Variants in RBM26 observed in about 807,000 individuals in gnomAD.
The protein encoded by RBM26 is RNA binding motif protein 26, also known as RNA-binding protein 26.
Under a neutral mutation model 123.6 loss-of-function variants are expected in RBM26, and 30 were observed. The ratio of observed to expected loss-of-function variants is 0.24; its 90% CI spans 0.18 to 0.33. The LOEUF (loss-of-function observed/expected upper bound fraction) is 0.33. RBM26 is among the 10% of genes least tolerant of loss of function. RBM26 has a pLI of 1.00. For synonymous variants in RBM26, 400 were observed against 404.4 expected (o/e 0.99, Z 0.13); for missense variants, 947 against 1,203.6 (o/e 0.79, Z 3.15).
At chr13:79,345,598 G>C (rs1226902532) in intron 14 of RBM26, among the ~76,000 whole-genome samples, 1 of 152,050 alleles carries the variant, frequency 6.6e-6, no homozygotes, top group East Asian at 1.9e-4. Context: ...CCACGGGTAA[G>C]ATTAAGTACC....
At chr13:79,321,885 AT>A (rs1218041336) in intron 21 of RBM26, among the ~76,000 whole-genome samples, 2 of 151,380 alleles carry the variant, frequency 1.3e-5, no homozygotes, top group Non-Finnish European at 3.0e-5. Context: ...TTTTCAGATT[AT>A]AAGCTCCTTG....
At chr13:79,401,001 G>GT (rs563343389) in intron 1 of RBM26, among the ~76,000 whole-genome samples, 17 of 152,206 alleles carry the variant, frequency 1.1e-4, no homozygotes, top group East Asian at 7.7e-4. Flanking sequence ...CTTTTGTTTT[G>GT]TTTTTTGCTA....
At chr13:79,372,006 C>G in intron 3 of RBM26, 76 bp from the exon 4 acceptor site, 6 of 1,061,248 alleles carry the variant, frequency 5.7e-6, no homozygotes, top group Non-Finnish European at 8.4e-6. Context: ...TAGGGCTGGG[C>G]ACAGTGGTTC....
rs1297025823 is a variant in RBM26 at position 79,406,022 on chromosome 13, G to A, written c.-248C>T. On this transcript the variant is annotated 5_prime_UTR_variant, in exon 1 of 22. Transcript: ENST00000438737. The stretch of plus-strand genomic sequence containing the variant: ...GCCCGGGCTGAAACAGCAACGGTTT[G>A]CCCGGGCCCTCCCCCTTCCCTCTTC... The A allele has an allele frequency of 6.9e-6, 2 of 287,870 alleles. No individual in the cohort carries two copies. Among genetic ancestry groups the A allele is most frequent in the Admixed American group, 5.4e-5 (1 of 18,432 alleles). The allele number at this position is 287,870 out of a possible 1,614,324, so 17.8% of individuals were successfully genotyped here. A position where few individuals can be genotyped will look rare whatever the true frequency, so the allele number is the denominator to read the frequency against.
At chr13:79,315,808 A>C (rs138698343), downstream of RBM26, among the ~76,000 whole-genome samples, 35 of 151,934 alleles carry the variant, frequency 2.3e-4, 1 homozygote, top group East Asian at 6.6e-3. Context: ...CATGTTCACC[A>C]AAGTTTCTTT....
At chr13:79,371,986 T>C (rs989852374) in intron 3 of RBM26, 56 bp from the exon 4 acceptor site, 66 of 1,186,200 alleles carry the variant, frequency 5.6e-5, no homozygotes, top group East Asian at 2.6e-4. Flanking sequence ...CACTGTTAAA[T>C]AGCCTTAGAT....
At chr13:79,387,424 C>G (rs772943526) in intron 1 of RBM26, among the ~76,000 whole-genome samples, 8 of 152,206 alleles carry the variant, frequency 5.3e-5, no homozygotes, top group Non-Finnish European at 8.8e-5. Flanking sequence ...ATGAAGCAGT[C>G]TGGTATTGAA....
chr13:79,365,921 T>G, intron 8 of RBM26, 134 bp downstream of exon 8: 2 of 979,122 alleles, frequency 2.0e-6, no homozygotes, highest in Non-Finnish European at 3.0e-6. Context: ...AGGGCTTATT[T>G]AATGTTCATT....
At chr13:79,327,687 A>T (rs780339470) in intron 20 of RBM26, among the ~76,000 whole-genome samples, 1 of 152,198 alleles carries the variant, frequency 6.6e-6, no homozygotes, top group African/African-American at 2.4e-5. Flanking sequence ...ATTATGGAAC[A>T]AAAGATCTCA....
chr13:79,384,920 C>T (rs777746424), intron 1 of RBM26, among the ~76,000 whole-genome samples: 7 of 152,052 alleles, frequency 4.6e-5, no homozygotes, highest in Admixed American at 1.3e-4. Context: ...TTGTTTTGCA[C>T]GAGTTTCTTG....
Position 79,320,237 on chromosome 13 carries a change from T to C in RBM26, c.*384A>G, listed in dbSNP as rs2067527149. 5 of 967,088 alleles carry C rather than the reference T, an allele frequency of 5.2e-6. No individual in the cohort carries two copies. Among genetic ancestry groups the C allele is most frequent in the Non-Finnish European group, 4.9e-6 (4 of 812,036 alleles). 59.9% of individuals were successfully genotyped at this position (967,088 alleles called of 1,614,324 possible). A position where few individuals can be genotyped will look rare whatever the true frequency, so the allele number is the denominator to read the frequency against. On this transcript the variant is annotated 3_prime_UTR_variant, in exon 22 of 22. Coordinates refer to ENST00000438737, the MANE Select transcript of RBM26 (RefSeq NM_001366735.2). ...TCAGTTTTGAAAACATTCATTAAGA[T>C]TTTAAATGCAAATTCATTCCTTATT... is the stretch of plus-strand genomic sequence containing the variant.
intron 21 of RBM26, 71 bp from the exon 22 acceptor site, chr13:79,320,781 T>C (rs2067578958): frequency 3.0e-6 from 4 of 1,345,402 alleles, no homozygotes; most frequent in African/African-American, 1.5e-5. Context: ...GGTGACACTT[T>C]TAAATACTCA....
intron 14 of RBM26, among the ~76,000 whole-genome samples, chr13:79,352,579 G>T (rs1367820837): frequency 6.6e-6 from 1 of 151,648 alleles, no homozygotes; most frequent in Non-Finnish European, 1.5e-5. Flanking sequence ...TATATGTATT[G>T]CTATGCTACC....
chr13:79,369,076 A>C, intron 5 of RBM26, 86 bp from the exon 6 acceptor site: 1 of 830,050 alleles, frequency 1.2e-6, no homozygotes. Flanking sequence ...ATATTTTTAT[A>C]AACATAGAAA....
At chr13:79,328,533 T>C (rs2068781914) in intron 20 of RBM26, among the ~76,000 whole-genome samples, 4 of 151,392 alleles carry the variant, frequency 2.6e-5, no homozygotes. Context: ...AAAATGTTTC[T>C]TATCTCAGAT....
chr13:79,337,459 A>C (rs1431832811), intron 18 of RBM26, among the ~76,000 whole-genome samples, 157 bp from the exon 19 acceptor site: 1 of 152,218 alleles, frequency 6.6e-6, no homozygotes, highest in Non-Finnish European at 1.5e-5. Flanking sequence ...GTTTTAGTTT[A>C]GTGAAAGTAA....
At chr13:79,396,745 T>TA (rs2078601392) in intron 1 of RBM26, among the ~76,000 whole-genome samples, 1 of 152,216 alleles carries the variant, frequency 6.6e-6, no homozygotes, top group Non-Finnish European at 1.5e-5. Context: ...GTTTTAATAT[T>TA]ATCAAATCTA....
chr13:79,313,475 A>T (rs1427305108), exon 5 of RBM26: 1 of 151,910 alleles, frequency 6.6e-6, no homozygotes, highest in Non-Finnish European at 1.5e-5. Context: ...AACACTGTTA[A>T]CACCAAGTTT....
At chr13:79,324,524 A>G (rs1386337118) in intron 20 of RBM26, among the ~76,000 whole-genome samples, 2 of 151,824 alleles carry the variant, frequency 1.3e-5, no homozygotes, top group Non-Finnish European at 2.9e-5. Context: ...TTTGGGCAAA[A>G]TATTTTCCCC....
Sources: allele counts gnomAD v4.1 joint callset (sites outside exome capture counted in the v4.1 genomes callset), GRCh38; gene constraint gnomAD v4.1.1; transcripts MANE v1.5; gene names NCBI Gene and HGNC (gene_info 2026-07-23, HGNC 2026-07-21).